Variants in ZAN observed in about 807,000 individuals in gnomAD.
ZAN encodes zonadhesin (gene/pseudogene).
A neutral mutation model predicts 286.2 loss-of-function variants in ZAN; 260 were observed. That is an observed-to-expected ratio of 0.91 (90% CI 0.82 to 1.01). The LOEUF is 1.01. ZAN is among the 50% of genes least tolerant of loss of function. ZAN has a pLI of 0.00. For synonymous variants in ZAN, 1,368 were observed against 1,417.5 expected (o/e 0.97, Z 0.79); for missense variants, 3,410 against 3,639.2 (o/e 0.94, Z 1.62).
At chr7:100,756,179 G>A (rs886949381) in intron 15 of ZAN, among the ~76,000 whole-genome samples, 1 of 152,162 alleles carries the variant, frequency 6.6e-6, no homozygotes, top group African/African-American at 2.4e-5. Context: ...TTGTAAAGAT[G>A]AAATTAAGTC....
Position 100,773,358 on chromosome 7 carries a change from C to T in ZAN, c.5499C>T (p.Asn1833=). ...GCCCAGACACCTGCAGCAGCATAAA[C>T]AACCCGAGGGACTGCCCCAAAGCAC... ...SPCPDTCSSI[N]NPRDCPKALP... Residue 1833 remains asparagine, a synonymous_variant, in exon 30 of 48, where the codon AAC becomes AAT. Transcript: ENST00000613979. The T allele has an allele frequency of 6.2e-7, 1 of 1,614,018 alleles. No homozygotes were observed. Among genetic ancestry groups the T allele is most frequent in the Non-Finnish European group, 8.5e-7 (1 of 1,179,890 alleles).
In ZAN at chr7:100,788,893, T is replaced by C. The variant is rs527570402; in HGVS notation, c.7228-325T>C. On this transcript the variant is annotated intron_variant, in intron 38 of 47. Transcript: ENST00000613979. ...TTTGTATTTTTAGTAGAGACGTGGT[T>C]TCCCCATGTTGGCCAGGCTGGTCTG... is the stretch of plus-strand genomic sequence containing the variant. 5.3e-4 allele frequency among the ~76,000 whole-genome samples: 80 copies of C among 152,150 alleles called. No individual in the cohort carries two copies. The South Asian group carries it at 6.9e-3, about 13-fold the overall frequency.
At position 100,765,279 on chromosome 7, in the gene ZAN, G is replaced by A. The variant is rs1171847662; in HGVS notation, c.4268-73G>A. ...GCCTGGAGCTGGGGCCCTTCCGAACGTGTCCTTCCTGTTTCCCACCCAGCC... is the reference window on the plus strand; with the variant it reads ...GCCTGGAGCTGGGGCCCTTCCGAACATGTCCTTCCTGTTTCCCACCCAGCC... On this transcript the variant is annotated intron_variant, in intron 22 of 47. Transcript: ENST00000613979. 35 of 1,515,164 alleles carry A rather than the reference G, an allele frequency of 2.3e-5. 1 individual carries two copies. The highest frequency in any genetic ancestry group is 2.1e-4 in the East Asian group (9 of 42,148). 93.9% of individuals were successfully genotyped at this position (1,515,164 alleles called of 1,614,324 possible). A position where few individuals can be genotyped will look rare whatever the true frequency, so the allele number is the denominator to read the frequency against.
At position 100,755,237 on chromosome 7, in the gene ZAN, C is replaced by T. The variant is rs752122413; in HGVS notation, c.3136C>T (p.Pro1046Ser). 1.2e-6 allele frequency: 2 copies of T among 1,612,640 alleles called. No individual in the cohort carries two copies. Among genetic ancestry groups the T allele is most frequent in the Non-Finnish European group, 1.7e-6 (2 of 1,179,124 alleles). Residue 1046 changes from proline to serine, a missense_variant, in exon 15 of 48, where the codon CCA (proline) becomes TCA (serine). Pro to Ser is a moderately conservative substitution (Grantham distance 74). Coordinates refer to ENST00000613979, the MANE Select transcript of ZAN (RefSeq NM_003386.3). ...TGTTTTCCCCTTAGAGCGCTGCCCT[C>T]CAAATGCCCGCTACGAATCCTGTGC... ...TSRSSTERCPPNARYESCACP... is the reference protein window; with the variant it reads ...TSRSSTERCPSNARYESCACP...
intron 37 of ZAN, among the ~76,000 whole-genome samples, chr7:100,787,664 C>T (rs930270059): frequency 6.6e-6 from 1 of 152,140 alleles, no homozygotes; most frequent in African/African-American, 2.4e-5. Context: ...CGGGTTCAAG[C>T]AATTCTCTTG....
At position 100,746,673 on chromosome 7, in the gene ZAN, C is replaced by T; in HGVS notation, c.902C>T (p.Ala301Val). 1 of 1,613,976 alleles carries T rather than the reference C, an allele frequency of 6.2e-7. No homozygotes were observed. Among genetic ancestry groups the T allele is most frequent in the Non-Finnish European group, 8.5e-7 (1 of 1,179,890 alleles). The stretch of plus-strand genomic sequence containing the variant: ...ATCCTCCGGGGCCAGTCTCCTGGTG[C>T]AGCCCTCCACATTTATGCTTCAGTC... ...HYILRGQSPG[A>V]ALHIYASVLG... Residue 301 changes from alanine (A) to valine (V), a missense_variant, in exon 8 of 48, where the codon GCA becomes GTA. Around this residue, in one of 7 missense-constraint regions of ZAN, gnomAD observed 872 missense variants for 938.9 expected, o/e 0.93. Transcript: ENST00000613979.
intron 34 of ZAN, among the ~76,000 whole-genome samples, chr7:100,779,203 CAAAA>C (rs1273010296): frequency 9.4e-6 from 1 of 106,178 alleles, no homozygotes. Flanking sequence ...ACTCTGTCTC[CAAAA>C]AAAAAAAAAA....
intron 42 of ZAN, among the ~76,000 whole-genome samples, chr7:100,792,852 C>T (rs2116338840): frequency 6.6e-6 from 1 of 151,724 alleles, no homozygotes; most frequent in South Asian, 2.1e-4. Context: ...TGGTTCACAC[C>T]TGTAATCCCA....
chr7:100,759,870 T>C (rs1175087090), intron 18 of ZAN, 25 bp downstream of exon 18: 1 of 1,607,186 alleles, frequency 6.2e-7, no homozygotes, highest in African/African-American at 1.3e-5. Flanking sequence ...ACCCCCACCA[T>C]CCTTGCAGGG....
intron 7 of ZAN, among the ~76,000 whole-genome samples, chr7:100,740,456 A>G (rs1485485644): frequency 1.4e-5 from 1 of 71,272 alleles, no homozygotes; most frequent in Non-Finnish European, 2.8e-5. Context: ...GGCCTTCCGC[A>G]GTGTTTGTGT....
At chr7:100,744,958 A>G (rs1209813235) in intron 7 of ZAN, among the ~76,000 whole-genome samples, 2 of 150,264 alleles carry the variant, frequency 1.3e-5, no homozygotes, top group Admixed American at 1.3e-4. Context: ...ATCTCAGCTC[A>G]CTGCAACCTC....
chr7:100,764,865 C>T (rs911151007), intron 22 of ZAN, among the ~76,000 whole-genome samples: 3 of 151,766 alleles, frequency 2.0e-5, no homozygotes, highest in African/African-American at 4.8e-5. Flanking sequence ...GCAGTGAGAG[C>T]GAAACTCTGT....
rs751763836 is a variant in ZAN, at chr7:100,791,103, C to T, written c.7519C>T (p.Arg2507Cys). The T allele has an allele frequency of 4.3e-6, 7 of 1,611,318 alleles. No individual in the cohort carries two copies. The highest frequency in any genetic ancestry group is 2.7e-5 in the African/African-American group (2 of 74,860). Residue 2507 changes from arginine to cysteine, a missense_variant, in exon 40 of 48, where the codon CGC (arginine) becomes TGC (cysteine). Physicochemically the swap from Arg to Cys is radical, Grantham distance 180. Coordinates refer to ENST00000613979, the MANE Select transcript of ZAN (RefSeq NM_003386.3). ...GGTGAAGACCGAGGACGCACTCCTG[C>T]GCTTCCCCAGGTGCACGGCCTGGAA... ...WEVKTEDALL[R>C]FPRAIPAEEE...
intron 7 of ZAN, among the ~76,000 whole-genome samples, chr7:100,745,786 G>A (rs932454952): frequency 5.9e-5 from 9 of 151,718 alleles, no homozygotes; most frequent in African/African-American, 1.9e-4. Flanking sequence ...CTACTCAGGA[G>A]GCTGTGGCAA....
chr7:100,754,531 T>C (rs1217302717), intron 14 of ZAN, among the ~76,000 whole-genome samples: 2 of 151,894 alleles, frequency 1.3e-5, no homozygotes, highest in Non-Finnish European at 2.9e-5. Flanking sequence ...TGAGACAGGG[T>C]CTCGCTCTGT....
Position 100,767,132 on chromosome 7 carries a change from A to G in ZAN, c.4735A>G (p.Ser1579Gly). ...GCCTTGCTGGTCCAGGTCCCAAGACAGCTATTTTGTTGTGAGCGCCACCAA... is the reference window on the plus strand; with the variant it reads ...GCCTTGCTGGTCCAGGTCCCAAGACGGCTATTTTGTTGTGAGCGCCACCAA... ...TRPCWSRSQD[S>G]YFVVSATNEN... Residue 1579 changes from serine to glycine, a missense_variant, in exon 25 of 48, where the codon AGC (serine) becomes GGC (glycine). Ser to Gly is a moderately conservative substitution (Grantham distance 56). Coordinates refer to ENST00000613979, the MANE Select transcript of ZAN (RefSeq NM_003386.3). 6.2e-7 allele frequency: 1 copy of G among 1,613,826 alleles called. No homozygotes were observed. Among genetic ancestry groups the G allele is most frequent in the Non-Finnish European group, 8.5e-7 (1 of 1,179,848 alleles).
rs1562945723 is a variant in ZAN, at chr7:100,775,417, C to T, written c.5869C>T (p.Leu1957=). The change falls in exon 32 of 48, where the codon CTG becomes TTG. Residue 1957 remains leucine, a synonymous_variant. Transcript: ENST00000613979. ...HSIPDACTLV[L]VKVCHPAMAL... ...TATCCCGGACGCCTGCACTCTTGTC[C>T]TGGTGAAAGTGTGCCACCCCGCCAT... 7 of 1,613,972 alleles carry T rather than the reference C, an allele frequency of 4.3e-6. No homozygotes were observed. Among genetic ancestry groups the T allele is most frequent in the Non-Finnish European group, 5.9e-6 (7 of 1,179,902 alleles).
At chr7:100,784,018 C>A (rs1347952887) in intron 35 of ZAN, among the ~76,000 whole-genome samples, 1 of 150,964 alleles carries the variant, frequency 6.6e-6, no homozygotes, top group Non-Finnish European at 1.5e-5. Flanking sequence ...CTCCATCATG[C>A]CTTGTATGCT....
chr7:100,793,720 G>A (rs1344184813), intron 42 of ZAN, 100 bp from the exon 43 acceptor site: 1 of 1,299,518 alleles, frequency 7.7e-7, no homozygotes, highest in Non-Finnish European at 1.1e-6. Context: ...TTTCAGGTGT[G>A]AGCCACTGTG....
Sources: allele counts gnomAD v4.1 joint callset (sites outside exome capture counted in the v4.1 genomes callset), GRCh38; gene constraint gnomAD v4.1.1; regional missense constraint gnomAD v4.1.1; transcripts MANE v1.5; gene names NCBI Gene and HGNC (gene_info 2026-07-23, HGNC 2026-07-21).